The following CNTNAP2 variants were observed in gnomAD, a reference collection of about 807,000 sequenced individuals.
CNTNAP2 encodes the protein contactin associated protein 2.
A neutral mutation model predicts 155.2 loss-of-function variants in CNTNAP2; 98 were observed. That is an observed-to-expected ratio of 0.63 (90% CI 0.54 to 0.75). The LOEUF (loss-of-function observed/expected upper bound fraction) is 0.75. CNTNAP2 is among the 30% of genes least tolerant of loss of function. The pLI is 0.00. For missense variants in CNTNAP2, 1,727 were observed against 1,688.1 expected (o/e 1.02, Z -0.40); for synonymous variants, 651 against 631.2 (o/e 1.03, Z -0.47).
intron 10 of CNTNAP2, among the ~76,000 whole-genome samples, chr7:147,461,383 G>A (rs1015310983): frequency 2.6e-5 from 4 of 151,996 alleles, no homozygotes; most frequent in Non-Finnish European, 5.9e-5. Context: ...AATAAAAGTA[G>A]GATCAAGATC....
chr7:148,105,902 G>A (rs1294298756), intron 15 of CNTNAP2, among the ~76,000 whole-genome samples: 1 of 152,170 alleles, frequency 6.6e-6, no homozygotes, highest in African/African-American at 2.4e-5. Flanking sequence ...TTGCATTTTA[G>A]ATGGATTTCT....
chr7:147,092,388 A>G (rs188892929), intron 4 of CNTNAP2, among the ~76,000 whole-genome samples: 1 of 152,352 alleles, frequency 6.6e-6, no homozygotes, highest in East Asian at 1.9e-4. Flanking sequence ...CTTTATTCAA[A>G]AGAAAATGCC....
intron 3 of CNTNAP2, among the ~76,000 whole-genome samples, chr7:146,884,875 A>G (rs1205121463): frequency 6.6e-6 from 1 of 152,196 alleles, no homozygotes; most frequent in African/African-American, 2.4e-5. Context: ...AGACAAAATT[A>G]TAATTTGCTT....
intron 1 of CNTNAP2, among the ~76,000 whole-genome samples, chr7:146,573,118 G>A (rs949340984): frequency 6.6e-6 from 1 of 151,992 alleles, no homozygotes; most frequent in African/African-American, 2.4e-5. Context: ...ACACACAGAT[G>A]TGCTCTCCTA....
At chr7:147,033,498 AT>A (rs931948841) in intron 3 of CNTNAP2, among the ~76,000 whole-genome samples, 1 of 151,498 alleles carries the variant, frequency 6.6e-6, no homozygotes, top group African/African-American at 2.4e-5. Flanking sequence ...AGCATGCTCT[AT>A]TTTTTTTCCT....
rs549446415 is a variant in CNTNAP2, at chr7:146,903,929, T to C, written c.402+64025T>C. ...TCATAGAATATGTTAATTTGAGTTT[T>C]TCTCTACTATATATGTAAATCAAAA... On this transcript the variant is annotated intron_variant, in intron 3 of 23. Coordinates refer to ENST00000361727, the MANE Select transcript of CNTNAP2 (RefSeq NM_014141.6). 5.9e-5 allele frequency among the ~76,000 whole-genome samples: 9 copies of C among 152,332 alleles called. No individual in the cohort carries two copies. In the South Asian group the frequency reaches 1.9e-3, roughly 32 times the overall value.
At chr7:148,326,166 G>T (rs1450085009) in intron 21 of CNTNAP2, among the ~76,000 whole-genome samples, 2 of 151,810 alleles carry the variant, frequency 1.3e-5, no homozygotes, top group African/African-American at 2.4e-5. Flanking sequence ...TTCTCTGGGT[G>T]ATTGTAATGT....
At chr7:146,326,483 T>C (rs1354035412) in intron 1 of CNTNAP2, among the ~76,000 whole-genome samples, 11 of 152,220 alleles carry the variant, frequency 7.2e-5, no homozygotes, top group Admixed American at 7.2e-4. Flanking sequence ...GCAAATGAAT[T>C]CAAATAGCCC....
chr7:146,411,347 G>A (rs1293827484), intron 1 of CNTNAP2, among the ~76,000 whole-genome samples: 3 of 151,850 alleles, frequency 2.0e-5, no homozygotes, highest in East Asian at 1.9e-4. Flanking sequence ...TAGTAGAGAC[G>A]GGGTTTCACC....
intron 3 of CNTNAP2, among the ~76,000 whole-genome samples, chr7:146,886,354 T>C (rs1383174349): frequency 6.6e-6 from 1 of 151,784 alleles, no homozygotes; most frequent in African/African-American, 2.4e-5. Flanking sequence ...TTTGCCCTCC[T>C]ACATTCTTTT....
chr7:147,697,648 A>G (rs941710679), intron 13 of CNTNAP2, among the ~76,000 whole-genome samples: 2 of 152,130 alleles, frequency 1.3e-5, no homozygotes, highest in Admixed American at 6.6e-5. Flanking sequence ...GGACTTCACA[A>G]GTTTCCGCCA....
At chr7:147,508,262 C>T (rs1798949526) in intron 11 of CNTNAP2, among the ~76,000 whole-genome samples, 1 of 152,138 alleles carries the variant, frequency 6.6e-6, no homozygotes, top group Non-Finnish European at 1.5e-5. Flanking sequence ...ATTCTTTCTG[C>T]CCCCTGTCCC....
At chr7:146,739,558 A>G (rs1801675257) in intron 1 of CNTNAP2, among the ~76,000 whole-genome samples, 1 of 151,978 alleles carries the variant, frequency 6.6e-6, no homozygotes, top group African/African-American at 2.4e-5. Context: ...ATTTTTTATG[A>G]ATTGTGGCCT....
chr7:147,455,998 T>TAACAA (rs1563210765), intron 10 of CNTNAP2, among the ~76,000 whole-genome samples: 7 of 152,062 alleles, frequency 4.6e-5, no homozygotes, highest in African/African-American at 1.7e-4. Flanking sequence ...AACAAAAACA[T>TAACAA]TCTGTAACAT....
At chr7:148,228,827 CAAA>C (rs10657103) in intron 19 of CNTNAP2, among the ~76,000 whole-genome samples, 8 of 118,698 alleles carry the variant, frequency 6.7e-5, no homozygotes, top group African/African-American at 1.3e-4. Flanking sequence ...GACTCTGTTT[CAAA>C]AAAAAAAAAA....
intron 14 of CNTNAP2, among the ~76,000 whole-genome samples, chr7:147,949,152 G>A (rs956033987): frequency 6.6e-6 from 1 of 151,360 alleles, no homozygotes; most frequent in South Asian, 2.1e-4. Context: ...AGTGAGCCGA[G>A]AAGAACCATT....
chr7:147,138,660 G>A (rs1273561775), intron 8 of CNTNAP2, among the ~76,000 whole-genome samples: 1 of 151,940 alleles, frequency 6.6e-6, no homozygotes, highest in Non-Finnish European at 1.5e-5. Context: ...AGGACCGGGG[G>A]AGAGTTTTAT....
intron 1 of CNTNAP2, among the ~76,000 whole-genome samples, chr7:146,347,080 G>A (rs567629557): frequency 9.0e-4 from 133 of 147,344 alleles, no homozygotes; most frequent in African/African-American, 3.3e-3. Flanking sequence ...GTAGTTTGGA[G>A]TGCTTTGGCA....
At chr7:146,899,381 G>A (rs1795946986) in intron 3 of CNTNAP2, among the ~76,000 whole-genome samples, 2 of 152,074 alleles carry the variant, frequency 1.3e-5, no homozygotes, top group South Asian at 4.1e-4. Flanking sequence ...CCTGTCCTCA[G>A]CACATTCCAG....
Sources: gnomAD v4.1 joint callset for allele counts (sites outside exome capture counted in the v4.1 genomes callset) on GRCh38, gnomAD v4.1.1 for gene constraint, MANE v1.5 for transcripts, NCBI Gene and HGNC (gene_info 2026-07-23, HGNC 2026-07-21) for gene names.